The following SHROOM2 variants were observed in gnomAD, a reference collection of about 807,000 sequenced individuals.
SHROOM2 encodes protein Shroom2.
SHROOM2 carries 33 observed loss-of-function variants against 75.9 expected under a neutral mutation model. The ratio of observed to expected loss-of-function variants is 0.43; its 90% CI spans 0.33 to 0.58. The LOEUF (loss-of-function observed/expected upper bound fraction) is 0.58, where lower values mean the gene tolerates loss of function less well. Among genes scored for constraint, SHROOM2 ranks in the 20% least tolerant of loss-of-function variants. The pLI, the probability that SHROOM2 is intolerant of heterozygous loss-of-function variation, is 0.04. For missense variants in SHROOM2, 1,434 were observed against 1,461.2 expected, an observed-to-expected ratio of 0.98 and a Z score of 0.30; for synonymous variants, 655 against 663.6, an observed-to-expected ratio of 0.99 and a Z score of 0.20.
intron 8 of SHROOM2, among the ~76,000 whole-genome samples, chrX:9,940,511 GC>G (rs2084759737): frequency 8.9e-6 from 1 of 111,757 alleles, no homozygotes; most frequent in South Asian, 3.7e-4. Flanking sequence ...CTGGAAGTTG[GC>G]CTCACTTTAG....
rs1462158009 is a variant in SHROOM2, at chrX:9,864,214, C to G, written c.166-9438C>G. 5.4e-5 allele frequency among the ~76,000 whole-genome samples: 6 copies of G among 111,317 alleles called. No individual in the cohort carries two copies. In the East Asian group the frequency reaches 1.7e-3, roughly 31 times the overall value. The stretch of plus-strand genomic sequence containing the variant: ...GAGCTGTCACATCAGAAGTCACAGT[C>G]ACTCACCGTTATCAGCAACACTGCA... On this transcript the variant is annotated intron_variant, in intron 1 of 9. Transcript: ENST00000380913.
chrX:9,808,961 G>A (rs1260555489), intron 1 of SHROOM2, among the ~76,000 whole-genome samples: 1 of 110,405 alleles, frequency 9.1e-6, no homozygotes, highest in Non-Finnish European at 1.9e-5. Flanking sequence ...TATATTCACT[G>A]ACTTGTGCAA....
At chrX:9,802,503 T>G (rs1379584363) in intron 1 of SHROOM2, among the ~76,000 whole-genome samples, 1 of 111,445 alleles carries the variant, frequency 9.0e-6, no homozygotes, top group Non-Finnish European at 1.9e-5. Context: ...TTGCTCAGAA[T>G]ACATCACCCA....
chrX:9,804,062 G>C (rs1261982143), intron 1 of SHROOM2, among the ~76,000 whole-genome samples: 1 of 111,801 alleles, frequency 8.9e-6, no homozygotes, highest in Non-Finnish European at 1.9e-5. Context: ...GGGTTAACTA[G>C]ATCGTGCCCG....
chrX:9,807,015 C>T (rs770062691), intron 1 of SHROOM2, among the ~76,000 whole-genome samples: 2 of 112,060 alleles, frequency 1.8e-5, no homozygotes, highest in Admixed American at 1.9e-4. Context: ...TGAGCCACCA[C>T]GCCTGGCCCA....
At chrX:9,847,593 A>G (rs2084013075) in intron 1 of SHROOM2, among the ~76,000 whole-genome samples, 1 of 112,401 alleles carries the variant, frequency 8.9e-6, no homozygotes, top group African/African-American at 3.2e-5. Flanking sequence ...TTGGGAGAAT[A>G]GCTTGCAAAA....
chrX:9,835,336 C>A (rs191478296), intron 1 of SHROOM2, among the ~76,000 whole-genome samples: 39 of 112,079 alleles, frequency 3.5e-4, no homozygotes, highest in African/African-American at 1.2e-3. Flanking sequence ...CTTCCCTCCT[C>A]CCTGTCCAGC....
At chrX:9,914,784 G>C (rs1569167694) in intron 5 of SHROOM2, among the ~76,000 whole-genome samples, 2 of 112,279 alleles carry the variant, frequency 1.8e-5, no homozygotes, top group Middle Eastern at 9.2e-3. Flanking sequence ...CTCACAACCA[G>C]TTAGTGAAGA....
chrX:9,794,570 T>C (rs1431827167), intron 1 of SHROOM2, among the ~76,000 whole-genome samples: 1 of 111,484 alleles, frequency 9.0e-6, no homozygotes, highest in Non-Finnish European at 1.9e-5. Context: ...GGTTTCTCCA[T>C]GTTGGTCAGG....
intron 1 of SHROOM2, among the ~76,000 whole-genome samples, chrX:9,857,958 G>C (rs919067596): frequency 1.8e-5 from 2 of 110,982 alleles, no homozygotes; most frequent in African/African-American, 6.6e-5. Flanking sequence ...TTCTATACAT[G>C]CAGCCCCTCC....
Position 9,894,460 on chromosome X carries a change from C to T in SHROOM2, c.552C>T (p.Pro184=). Residue 184 remains proline, a synonymous_variant, in exon 4 of 10, where the codon CCC becomes CCT. Coordinates refer to ENST00000380913, the MANE Select transcript of SHROOM2 (RefSeq NM_001649.4). ...GGAGCGTTGACAGCCTGGACCACCC[C>T]TCCAGTCGCCTCTCGGTGGCCAAGT... ...SLGSVDSLDH[P]SSRLSVAKSN... is the part of the protein sequence containing the mutation. 8.3e-7 allele frequency: 1 copy of T among 1,211,455 alleles called. No individual in the cohort carries two copies.
chrX:9,867,108 A>G (rs1003558877), intron 1 of SHROOM2, among the ~76,000 whole-genome samples: 16 of 111,707 alleles, frequency 1.4e-4, no homozygotes, highest in Non-Finnish European at 2.3e-4. Flanking sequence ...TCAACGAAGT[A>G]TCAACAACTT....
At chrX:9,835,764 C>T (rs1386809353) in intron 1 of SHROOM2, among the ~76,000 whole-genome samples, 1 of 107,321 alleles carries the variant, frequency 9.3e-6, no homozygotes, top group Non-Finnish European at 1.9e-5. Flanking sequence ...GTCAGGCTCT[C>T]GCTCTGTTGC....
At chrX:9,847,912 C>G (rs2084015127) in intron 1 of SHROOM2, among the ~76,000 whole-genome samples, 1 of 111,567 alleles carries the variant, frequency 9.0e-6, no homozygotes, top group African/African-American at 3.3e-5. Flanking sequence ...TTGCTTTCAT[C>G]CTTTGCATCT....
chrX:9,823,659 A>G (rs1052712806), intron 1 of SHROOM2, among the ~76,000 whole-genome samples: 1 of 111,259 alleles, frequency 9.0e-6, no homozygotes, highest in African/African-American at 3.3e-5. Flanking sequence ...ATCTATACGA[A>G]GTCATTTTTG....
At chrX:9,828,129 C>T (rs2083897643) in intron 1 of SHROOM2, among the ~76,000 whole-genome samples, 2 of 112,875 alleles carry the variant, frequency 1.8e-5, no homozygotes, top group African/African-American at 6.4e-5. Flanking sequence ...ATACGCACAT[C>T]TTACGTGGCA....
rs1443500083 is a variant in SHROOM2, at chrX:9,918,128, G to C, written c.2892-14047G>C. 2.7e-5 allele frequency among the ~76,000 whole-genome samples: 3 copies of C among 112,325 alleles called. No individual in the cohort carries two copies. The East Asian group carries it at 8.4e-4, about 31-fold the overall frequency. ...AGAAGAACTGCAGTCTCTGTGAACA[G>C]GTCTTCAGGTGACATCAGTGTGTTA... is the stretch of plus-strand genomic sequence containing the variant. On this transcript the variant is annotated intron_variant, in intron 5 of 9. Coordinates refer to ENST00000380913, the MANE Select transcript of SHROOM2 (RefSeq NM_001649.4).
At chrX:9,830,829 C>T (rs748635272) in intron 1 of SHROOM2, among the ~76,000 whole-genome samples, 1 of 110,483 alleles carries the variant, frequency 9.1e-6, no homozygotes, top group Admixed American at 9.6e-5. Context: ...GTCACGAACT[C>T]CTGGACCTCA....
chrX:9,883,020 G>T (rs1004688749), intron 2 of SHROOM2, among the ~76,000 whole-genome samples: 1 of 112,354 alleles, frequency 8.9e-6, no homozygotes, highest in Non-Finnish European at 1.9e-5. Flanking sequence ...CCTTTAGGGG[G>T]CGACTTTTCT....
Sources: gnomAD v4.1 joint callset for allele counts (sites outside exome capture counted in the v4.1 genomes callset) on GRCh38, gnomAD v4.1.1 for gene constraint, MANE v1.5 for transcripts, NCBI Gene and HGNC (gene_info 2026-07-23, HGNC 2026-07-21) for gene names.